ATP11A: variants seen among roughly 807,000 people sequenced by gnomAD.
ATP11A encodes ATPase phospholipid transporting 11A, also known as phospholipid-transporting ATPase IH.
Under a neutral mutation model 154.4 loss-of-function variants are expected in ATP11A, and 81 were observed. That is an observed-to-expected ratio of 0.52 (90% CI 0.44 to 0.63). The LOEUF is 0.63. ATP11A is among the 30% of genes least tolerant of loss of function. ATP11A has a pLI of 0.00. For missense variants in ATP11A, 1,316 were observed against 1,474.3 expected, an observed-to-expected ratio of 0.89 and a Z score of 1.76; for synonymous variants, 623 against 585.9, an observed-to-expected ratio of 1.06 and a Z score of -0.91.
intron 1 of ATP11A, among the ~76,000 whole-genome samples, chr13:112,783,567 G>A (rs1048950842): frequency 6.6e-6 from 1 of 152,176 alleles, no homozygotes; most frequent in Non-Finnish European, 1.5e-5. Context: ...CGTCCTTCCC[G>A]TCCCACTGCA....
chr13:112,749,178 C>A (rs1424646345), intron 1 of ATP11A, among the ~76,000 whole-genome samples: 1 of 152,208 alleles, frequency 6.6e-6, no homozygotes, highest in Non-Finnish European at 1.5e-5. Flanking sequence ...GCGCCTCCAT[C>A]TCCGCACAGT....
chr13:112,690,486 C>A lies in ATP11A; in HGVS notation c.39+31C>A. The A allele has an allele frequency of 7.6e-7, 1 of 1,321,894 alleles. No individual in the cohort carries two copies. Among genetic ancestry groups the A allele is most frequent in the South Asian group, 2.3e-5 (1 of 42,954 alleles). 81.9% of individuals were successfully genotyped at this position (1,321,894 alleles called of 1,614,324 possible). ...TGCTCCCGGCGCGGGCTGGGGGACC[C>A]GGGGACCAGACAGACGCGGGCCGGC... On this transcript the variant is annotated intron_variant, in intron 1 of 29. Coordinates refer to ENST00000375645, the MANE Select transcript of ATP11A (RefSeq NM_015205.3). This position sits in a 1 kb window ranked among gnomAD's most constrained non-coding sequence, Gnocchi z 5.6.
intron 12 of ATP11A, among the ~76,000 whole-genome samples, chr13:112,831,168 A>G (rs2079073257): frequency 6.6e-6 from 1 of 152,170 alleles, no homozygotes; most frequent in African/African-American, 2.4e-5. Flanking sequence ...CCAGGACTGC[A>G]GGGTCCTGTT....
At chr13:112,833,804 A>G (rs282615) in intron 14 of ATP11A, among the ~76,000 whole-genome samples, 163 of 152,250 alleles carry the variant, frequency 1.1e-3, no homozygotes, top group African/African-American at 3.8e-3. Context: ...TCTCTTCTTG[A>G]AACACAAGTG....
intron 24 of ATP11A, among the ~76,000 whole-genome samples, chr13:112,862,143 G>A (rs1285390396): frequency 6.6e-6 from 1 of 152,252 alleles, no homozygotes; most frequent in Non-Finnish European, 1.5e-5. Flanking sequence ...TGTGTTCTCT[G>A]TTCGTTGCTT....
intron 17 of ATP11A, among the ~76,000 whole-genome samples, chr13:112,850,132 G>A (rs2079721621): frequency 6.6e-6 from 1 of 152,182 alleles, no homozygotes; most frequent in Non-Finnish European, 1.5e-5. Flanking sequence ...ATAAATATGA[G>A]CCTTCCCTGA....
chr13:112,879,701 C>T (rs898182793), intron 29 of ATP11A, among the ~76,000 whole-genome samples: 3 of 152,222 alleles, frequency 2.0e-5, no homozygotes, highest in Non-Finnish European at 2.9e-5. Context: ...AGCACATGCC[C>T]GGCGCACACG....
At position 112,875,814 on chromosome 13, in the gene ATP11A, T is replaced by C; in HGVS notation, c.3200T>C (p.Ile1067Thr). ...LNYQRMYYVFIQMLSSGPAWL... is the reference protein window; with the variant it reads ...LNYQRMYYVFTQMLSSGPAWL... ...TACCAGAGGATGTACTACGTGTTCA[T>C]CCAGATGCTGTCCAGCGGGCCCGCC... Residue 1067 changes from isoleucine to threonine, a missense_variant, in exon 28 of 30, where the codon ATC (isoleucine) becomes ACC (threonine). This residue lies in a region of ATP11A where 294 missense variants were observed against 290.2 expected (regional missense o/e 1.01). Coordinates refer to ENST00000375645, the MANE Select transcript of ATP11A (RefSeq NM_015205.3). The surrounding 1 kb of genome is among the most constrained non-coding windows in gnomAD (Gnocchi z 4.1). 1 of 1,614,020 alleles carries C rather than the reference T, an allele frequency of 6.2e-7. No individual in the cohort carries two copies.
intron 1 of ATP11A, among the ~76,000 whole-genome samples, chr13:112,764,530 G>A (rs2139896999): frequency 6.6e-6 from 1 of 152,336 alleles, no homozygotes; most frequent in East Asian, 1.9e-4. Flanking sequence ...GCCTGGGCTG[G>A]GCCCCCACCC....
At chr13:112,760,559 C>T (rs1180621304) in intron 1 of ATP11A, among the ~76,000 whole-genome samples, 1 of 152,058 alleles carries the variant, frequency 6.6e-6, no homozygotes, top group Non-Finnish European at 1.5e-5. Context: ...TCAATGTAAA[C>T]AAACTTGCCT....
At chr13:112,805,118 T>C in intron 3 of ATP11A, 72 bp downstream of exon 3, 1 of 1,116,148 alleles carries the variant, frequency 9.0e-7, no homozygotes, top group Non-Finnish European at 1.3e-6. Flanking sequence ...CTCAGGTAAC[T>C]GCCACACGGC....
chr13:112,778,675 A>AGTGAGGAGTAGCCT (rs2077410010), intron 1 of ATP11A, among the ~76,000 whole-genome samples: 1 of 39,682 alleles, frequency 2.5e-5, no homozygotes, highest in African/African-American at 1.5e-4. Context: ...AGGAGTAGCC[A>AGTGAGGAGTAGCCT]CTGGAGTGAG....
chr13:112,803,870 CTTCCCTTCCTTCCCTCA>C (rs2078220227), intron 2 of ATP11A, among the ~76,000 whole-genome samples: 1 of 103,624 alleles, frequency 9.7e-6, no homozygotes, highest in South Asian at 3.7e-4. Flanking sequence ...TTCCTCCTTG[CTTCCCTTCCTTCCCTCA>C]TTCCCCTCCT....
intron 26 of ATP11A, 90 bp downstream of exon 26, chr13:112,871,890 C>A: frequency 1.5e-6 from 2 of 1,359,428 alleles, no homozygotes; most frequent in Non-Finnish European, 2.1e-6. Flanking sequence ...TGAATTATAA[C>A]TCTGTACTGA....
intron 16 of ATP11A, among the ~76,000 whole-genome samples, chr13:112,839,194 T>C (rs365659): frequency 0.38 from 57,960 of 152,008 alleles, 12,771 homozygotes; most frequent in African/African-American, 0.6. Flanking sequence ...ATCTCTCTTT[T>C]GGGGGATCCT....
intron 2 of ATP11A, among the ~76,000 whole-genome samples, chr13:112,797,523 G>A (rs1406600044): frequency 6.6e-6 from 1 of 152,032 alleles, no homozygotes; most frequent in East Asian, 1.9e-4. Context: ...CTTGAAAGAA[G>A]CCACAGGAAA....
chr13:112,858,085 C>G, intron 21 of ATP11A, 60 bp from the exon 22 acceptor site: 11 of 1,595,274 alleles, frequency 6.9e-6, no homozygotes, highest in South Asian at 1.1e-5. Flanking sequence ...TCTCCCCGTC[C>G]CTGCCCTGTG....
chr13:112,699,634 C>A (rs367615462), intron 1 of ATP11A, among the ~76,000 whole-genome samples: 1 of 152,218 alleles, frequency 6.6e-6, no homozygotes, highest in South Asian at 2.1e-4. Flanking sequence ...AACTTCTGTT[C>A]GTGTTACTTC....
At chr13:112,810,482 C>A in intron 4 of ATP11A, 137 bp from the exon 5 acceptor site, 1 of 693,704 alleles carries the variant, frequency 1.4e-6, no homozygotes. Context: ...AGTGCATCCT[C>A]ATGCTGAAAA....
Sources: gnomAD v4.1 joint callset for allele counts (sites outside exome capture counted in the v4.1 genomes callset) on GRCh38, gnomAD v4.1.1 for gene constraint, gnomAD v4.1.1 regional missense constraint, Gnocchi (gnomAD v3.1) non-coding constraint, MANE v1.5 for transcripts, NCBI Gene and HGNC (gene_info 2026-07-23, HGNC 2026-07-21) for gene names.